OGFRL1: variants seen among roughly 807,000 people sequenced by gnomAD.
OGFRL1 encodes opioid growth factor receptor like 1.
In OGFRL1, 26 loss-of-function variants were observed where a neutral mutation model predicts 32.4. The observed-to-expected ratio is 0.80, with a 90% CI of 0.59 to 1.11. OGFRL1 has a LOEUF of 1.11. Among genes scored for constraint, OGFRL1 ranks in the 50% most tolerant of loss-of-function variants. The probability of loss-of-function intolerance (pLI) is 0.00; values close to 1 mark genes in which losing one functional copy is unlikely to be tolerated. For synonymous variants in OGFRL1, 211 were observed against 201.2 expected (o/e 1.05, Z -0.41); for missense variants, 521 against 546.4 (o/e 0.95, Z 0.46).
Position 71,301,836 on chromosome 6 carries a change from C to G in OGFRL1, c.1143C>G (p.Ser381Arg), listed in dbSNP as rs769096614. The change falls in exon 7 of 7, where the codon AGC (serine) becomes AGG (arginine). Residue 381 changes from serine (S) to arginine (R), a missense_variant. Physicochemically the swap from Ser to Arg is moderately radical, Grantham distance 110. Transcript: ENST00000370435. Reference protein sequence around the residue: ...KEPVEETDRPSPEPSNEAAKP... With the variant: ...KEPVEETDRPRPEPSNEAAKP... ...CTGTGGAAGAGACAGACAGGCCCAGCCCAGAGCCCAGCAATGAAGCTGCCA... is the reference window on the plus strand; with the variant it reads ...CTGTGGAAGAGACAGACAGGCCCAGGCCAGAGCCCAGCAATGAAGCTGCCA... 6.2e-7 allele frequency: 1 copy of G among 1,613,060 alleles called. No homozygotes were observed. The highest frequency in any genetic ancestry group is 1.7e-5 in the Admixed American group (1 of 59,810).
rs770032705 is a variant in OGFRL1 at position 71,308,508 on chromosome 6, T to G, written c.*6459T>G. ...ACGATTGTTACAAAGATGTGTGTTT[T>G]ACTTATAACATAAGCTCTGATTCTC... On this transcript the variant is annotated 3_prime_UTR_variant, in exon 7 of 7. Coordinates refer to ENST00000370435, the MANE Select transcript of OGFRL1 (RefSeq NM_024576.5). 15 of 152,230 alleles carry G rather than the reference T, an allele frequency of 9.9e-5. No individual in the cohort carries two copies. The highest frequency in any genetic ancestry group is 2.1e-4 in the Non-Finnish European group (14 of 68,040). The allele number at this position is 152,230 out of a possible 1,614,324, so 9.4% of individuals were successfully genotyped here.
rs1765955061 is a variant in OGFRL1 at position 71,289,114 on chromosome 6, C to A, written c.178C>A (p.Arg60=). Residue 60 remains arginine (R), a synonymous_variant, in exon 1 of 7, where the codon CGG becomes AGG. Coordinates refer to ENST00000370435, the MANE Select transcript of OGFRL1 (RefSeq NM_024576.5). ...PAQPPEQAGG[R]PGASPAPDED... is the part of the protein sequence containing the mutation. ...GCAGCCCCCGGAGCAAGCCGGCGGG[C>A]GGCCCGGCGCCAGCCCCGCGCCGGA... is the stretch of plus-strand genomic sequence containing the variant. 9.5e-5 allele frequency: 105 copies of A among 1,110,872 alleles called. No individual in the cohort carries two copies. Among genetic ancestry groups the A allele is most frequent in the Non-Finnish European group, 1.1e-4 (104 of 912,198 alleles). The allele number at this position is 1,110,872 out of a possible 1,614,324, so 68.8% of individuals were successfully genotyped here. A position where few individuals can be genotyped will look rare whatever the true frequency, so the allele number is the denominator to read the frequency against.
chr6:71,296,416 C>T (rs767064223), intron 4 of OGFRL1, 21 bp downstream of exon 4: 10 of 1,603,212 alleles, frequency 6.2e-6, no homozygotes, highest in Non-Finnish European at 8.5e-6. Flanking sequence ...TATTATCTAT[C>T]TTGAACCATG....
chr6:71,293,602 A>T lies in OGFRL1; in HGVS notation c.391A>T (p.Lys131Ter), dbSNP rs761476062. The T allele has an allele frequency of 6.2e-7, 1 of 1,604,888 alleles. No individual in the cohort carries two copies. ...TTTTTATAAGAATAAAATTCCATTC[A>T]AGCCAGATGGTGAGTAACGTACTAC... The part of the protein sequence containing the change: ...LRFYKNKIPF[K>*]PDGVYIEEVL... The change falls in exon 3 of 7, where the codon AAG (lysine) becomes TAG (stop). Residue 131 changes from lysine to a stop codon, truncating the protein, a stop_gained. Coordinates refer to ENST00000370435, the MANE Select transcript of OGFRL1 (RefSeq NM_024576.5). LOFTEE classifies it high-confidence loss of function.
At chr6:71,290,602 CTTG>C (rs1766020916) in intron 1 of OGFRL1, among the ~76,000 whole-genome samples, 1 of 152,170 alleles carries the variant, frequency 6.6e-6, no homozygotes, top group Non-Finnish European at 1.5e-5. Context: ...ATTAATTTTT[CTTG>C]TTAGTATCAC....
Position 71,289,102 on chromosome 6 carries a change from C to G in OGFRL1, c.166C>G (p.Gln56Glu), listed in dbSNP as rs1379763915. ...ESEQPAQPPE[Q>E]AGGRPGASPA... The stretch of plus-strand genomic sequence containing the variant: ...CGAGCAGCCCGCGCAGCCCCCGGAG[C>G]AAGCCGGCGGGCGGCCCGGCGCCAG... Residue 56 changes from glutamine to glutamate, a missense_variant, in exon 1 of 7, where the codon CAA (glutamine) becomes GAA (glutamate). Physicochemically the swap from Gln to Glu is conservative, Grantham distance 29 (BLOSUM62 2). Transcript: ENST00000370435. 9 of 1,116,232 alleles carry G rather than the reference C, an allele frequency of 8.1e-6. No homozygotes were observed. In the African/African-American group the frequency reaches 1.2e-4, roughly 15 times the overall value. The allele number at this position is 1,116,232 out of a possible 1,614,324, so 69.1% of individuals were successfully genotyped here.
intron 6 of OGFRL1, among the ~76,000 whole-genome samples, chr6:71,297,423 AT>A (rs1040394540): frequency 4.6e-5 from 7 of 152,172 alleles, no homozygotes; most frequent in Admixed American, 1.3e-4. Context: ...GTTTTGCTGT[AT>A]TCATTTGGTT....
At chr6:71,296,056 CCA>C (rs1372802131) in intron 3 of OGFRL1, among the ~76,000 whole-genome samples, 2 of 152,120 alleles carry the variant, frequency 1.3e-5, no homozygotes, top group African/African-American at 4.8e-5. Flanking sequence ...AGCTGGCAGG[CCA>C]CAGTTTGCCA....
Position 71,293,569 on chromosome 6 carries a change from A to G in OGFRL1, c.358A>G (p.Asn120Asp), listed in dbSNP as rs774410609. The G allele has an allele frequency of 1.2e-6, 2 of 1,613,144 alleles. No individual in the cohort carries two copies. The highest frequency in any genetic ancestry group is 8.5e-7 in the Non-Finnish European group (1 of 1,179,408). The change falls in exon 3 of 7, where the codon AAT becomes GAT. Residue 120 changes from asparagine (N) to aspartate (D), a missense_variant. By Grantham distance (23) the Asn-to-Asp change is conservative (BLOSUM62 1). Transcript: ENST00000370435. The stretch of plus-strand genomic sequence containing the variant: ...TATCCGATATCAAAATGACTTGAGC[A>G]ATCTTCGTTTTTATAAGAATAAAAT... ...KDIRYQNDLS[N>D]LRFYKNKIPF...
rs1335528038 is a variant in OGFRL1, at chr6:71,303,851, TAAG to T, written c.*1805_*1807del. The T allele has an allele frequency of 6.6e-6, 1 of 152,176 alleles. No individual in the cohort carries two copies. Among genetic ancestry groups the T allele is most frequent in the East Asian group, 1.9e-4 (1 of 5,194 alleles). 9.4% of individuals were successfully genotyped at this position (152,176 alleles called of 1,614,324 possible). On this transcript the variant is annotated 3_prime_UTR_variant, in exon 7 of 7. Coordinates refer to ENST00000370435, the MANE Select transcript of OGFRL1 (RefSeq NM_024576.5). ...TATTACAAATCAAAAAACACTGTGA[TAAG>T]AACTTCAAAGCATATATACAAATAT...
rs118110606 is a variant in OGFRL1 at position 71,292,315 on chromosome 6, T to C, written c.235-978T>C. ...TGTTGAAGTAACTCGGTACTTGTAG[T>C]AATAGTGAGAATCACACCACTTCAA... On this transcript the variant is annotated intron_variant, in intron 1 of 6. Coordinates refer to ENST00000370435, the MANE Select transcript of OGFRL1 (RefSeq NM_024576.5). Among the ~76,000 whole-genome samples the C allele has an allele frequency of 1.5e-4, 23 of 152,314 alleles. No homozygotes were observed. In the East Asian group the frequency reaches 4.4e-3, roughly 29 times the overall value.
chr6:71,300,344 A>G (rs948343338), intron 6 of OGFRL1, among the ~76,000 whole-genome samples: 1 of 152,222 alleles, frequency 6.6e-6, no homozygotes, highest in African/African-American at 2.4e-5. Context: ...GGGGAGTTAC[A>G]TTATGAATTG....
intron 3 of OGFRL1, chr6:71,295,384 G>T (rs1766172820): frequency 6.6e-6 from 1 of 152,156 alleles, no homozygotes; most frequent in Non-Finnish European, 1.5e-5. Flanking sequence ...TATGTTCGGA[G>T]AAATATTATA....
At chr6:71,294,149 A>C (rs1272812665) in intron 3 of OGFRL1, among the ~76,000 whole-genome samples, 1 of 152,036 alleles carries the variant, frequency 6.6e-6, no homozygotes, top group African/African-American at 2.4e-5. Context: ...TCTCCATCCA[A>C]CTCTGCCAAA....
chr6:71,293,747 G>A (rs1582551659), intron 3 of OGFRL1, 136 bp downstream of exon 3: 1 of 619,090 alleles, frequency 1.6e-6, no homozygotes, highest in Non-Finnish European at 2.8e-6. Context: ...AAATTCTGGA[G>A]GAAGAGCTAT....
chr6:71,297,969 A>G (rs1337062929), intron 6 of OGFRL1, among the ~76,000 whole-genome samples: 1 of 106,730 alleles, frequency 9.4e-6, no homozygotes, highest in Non-Finnish European at 1.9e-5. Context: ...CCACCCCACA[A>G]CAGACCCCGG....
intron 3 of OGFRL1, among the ~76,000 whole-genome samples, chr6:71,294,301 A>AT (rs1337196309): frequency 6.6e-6 from 1 of 152,134 alleles, no homozygotes; most frequent in Non-Finnish European, 1.5e-5. Flanking sequence ...CATGGTGGTC[A>AT]TCCTAATTTT....
rs1165458389 is a variant in OGFRL1, at chr6:71,307,633, TA to T, written c.*5589del. The T allele has an allele frequency of 6.6e-6, 1 of 152,164 alleles. No individual in the cohort carries two copies. The highest frequency in any genetic ancestry group is 1.9e-4 in the East Asian group (1 of 5,194). 9.4% of individuals were successfully genotyped at this position (152,164 alleles called of 1,614,324 possible). A position where few individuals can be genotyped will look rare whatever the true frequency, so the allele number is the denominator to read the frequency against. On this transcript the variant is annotated 3_prime_UTR_variant, in exon 7 of 7. Transcript: ENST00000370435. The stretch of plus-strand genomic sequence containing the variant: ...TACTGTGCTAAAATACCTTTTTCTC[TA>T]AAAATATTTAAGCTTTAGGGTTTGT...
rs1174728040 is a variant in OGFRL1 at position 71,301,894 on chromosome 6, G to A, written c.1201G>A (p.Glu401Lys). 1.9e-6 allele frequency: 3 copies of A among 1,614,076 alleles called. No individual in the cohort carries two copies. Among genetic ancestry groups the A allele is most frequent in the Non-Finnish European group, 2.5e-6 (3 of 1,180,002 alleles). ...AAATACAGAGAAGGACAGTAATGCT[G>A]AGAACATGAATTCTCAACCTGAGAA... ...PRNTEKDSNAENMNSQPEKTV... is the reference protein window; with the variant it reads ...PRNTEKDSNAKNMNSQPEKTV... Residue 401 changes from glutamate (E) to lysine (K), a missense_variant, in exon 7 of 7, where the codon GAG becomes AAG. Physicochemically the swap from Glu to Lys is moderately conservative, Grantham distance 56. Coordinates refer to ENST00000370435, the MANE Select transcript of OGFRL1 (RefSeq NM_024576.5).
Sources: gnomAD v4.1 joint callset for allele counts (sites outside exome capture counted in the v4.1 genomes callset) on GRCh38, gnomAD v4.1.1 for gene constraint, MANE v1.5 for transcripts, NCBI Gene and HGNC (gene_info 2026-07-23, HGNC 2026-07-21) for gene names.